Variants in ACSF2 observed in about 807,000 individuals in gnomAD.
ACSF2 encodes the protein acyl-CoA synthetase family member 2.
In ACSF2, 52 loss-of-function variants were observed where a neutral mutation model predicts 79.3. The ratio of observed to expected loss-of-function variants is 0.66; its 90% CI spans 0.53 to 0.83. The LOEUF (loss-of-function observed/expected upper bound fraction) is 0.83. Among genes scored for constraint, ACSF2 ranks in the 40% least tolerant of loss-of-function variants. ACSF2 has a pLI of 0.00. For synonymous variants in ACSF2, 283 were observed against 312.6 expected, an observed-to-expected ratio of 0.91 and a Z score of 1.00; for missense variants, 661 against 803.3, an observed-to-expected ratio of 0.82 and a Z score of 2.14.
intron 1 of ACSF2, among the ~76,000 whole-genome samples, chr17:50,454,821 G>A (rs896116424): frequency 6.6e-6 from 1 of 152,096 alleles, no homozygotes; most frequent in African/African-American, 2.4e-5. Context: ...AGACACAGGA[G>A]AAAACACATA....
rs772976326 is a variant in ACSF2 at position 50,445,267 on chromosome 17, AC to A, written c.129-15409del. ...AGCAGCATCTTGGACCAGTTGCTTA[AC>A]TTTTTCATCTCAGTGTTCTCCATCT... On this transcript the variant is annotated intron_variant, in intron 1 of 15. Transcript: ENST00000300441. 6.7e-4 allele frequency among the ~76,000 whole-genome samples: 102 copies of A among 152,262 alleles called. 1 individual carries two copies. Among genetic ancestry groups the A allele is most frequent in the Admixed American group, 3.0e-3 (46 of 15,290 alleles).
intron 1 of ACSF2, 138 bp downstream of exon 1, chr17:50,426,527 C>G (rs1336690526): frequency 8.9e-7 from 1 of 1,123,464 alleles, no homozygotes; most frequent in South Asian, 2.9e-5. Context: ...CCGCCCCCCG[C>G]CAGCACCTAG....
At chr17:50,469,843 G>A (rs1315391105) in intron 10 of ACSF2, 1 of 152,340 alleles carries the variant, frequency 6.6e-6, no homozygotes, top group Non-Finnish European at 1.5e-5. Context: ...GGCAGGTCGA[G>A]GGACCAGCCC....
intron 1 of ACSF2, chr17:50,460,220 G>T (rs934768655): frequency 5.0e-5 from 23 of 456,886 alleles, no homozygotes; most frequent in African/African-American, 4.6e-4. Context: ...GAGAAAAACT[G>T]GCCCACCAAG....
intron 1 of ACSF2, among the ~76,000 whole-genome samples, chr17:50,439,926 C>T (rs1184994878): frequency 1.3e-5 from 2 of 152,134 alleles, no homozygotes; most frequent in Admixed American, 6.5e-5. Context: ...GGTAATGTCT[C>T]CTGTGTCTGT....
At chr17:50,438,010 T>C (rs1212161642) in intron 1 of ACSF2, among the ~76,000 whole-genome samples, 1 of 152,190 alleles carries the variant, frequency 6.6e-6, no homozygotes, top group African/African-American at 2.4e-5. Context: ...ATTTAATATA[T>C]GTTGTGCTGA....
intron 9 of ACSF2, 61 bp from the exon 10 acceptor site, chr17:50,464,157 T>G (rs1340735347): frequency 6.5e-7 from 1 of 1,544,782 alleles, no homozygotes; most frequent in African/African-American, 1.4e-5. Flanking sequence ...GAGCTGTAGG[T>G]GAAAGGACTC....
At position 50,463,626 on chromosome 17, in the gene ACSF2, T is replaced by C; in HGVS notation, c.1046+74T>C. 6.4e-7 allele frequency: 1 copy of C among 1,574,084 alleles called. No homozygotes were observed. On this transcript the variant is annotated intron_variant, in intron 8 of 15. Coordinates refer to ENST00000300441, the MANE Select transcript of ACSF2 (RefSeq NM_025149.6). This position sits in a 1 kb window ranked among gnomAD's most constrained non-coding sequence, Gnocchi z 4.6. The stretch of plus-strand genomic sequence containing the variant: ...TCCTCACTCCTGGGCCCTGACACCT[T>C]TCCAAGCTGCCTCCTCCCTCCAGCC...
At chr17:50,433,579 G>C (rs1031657878) in intron 1 of ACSF2, among the ~76,000 whole-genome samples, 3 of 152,066 alleles carry the variant, frequency 2.0e-5, no homozygotes, top group African/African-American at 7.2e-5. Context: ...TCTTCTCCTG[G>C]GGTCTCTGTC....
intron 10 of ACSF2, chr17:50,464,939 C>T (rs2032599118): frequency 5.7e-6 from 2 of 351,746 alleles, no homozygotes; most frequent in South Asian, 4.9e-5. Context: ...GTGTAGGCAG[C>T]TCTGTGCATC....
intron 1 of ACSF2, among the ~76,000 whole-genome samples, chr17:50,443,383 T>G (rs1056049187): frequency 6.6e-6 from 1 of 152,172 alleles, no homozygotes; most frequent in Admixed American, 6.5e-5. Context: ...GGAATCCAGA[T>G]TTACAGGTTT....
chr17:50,426,484 G>T (rs962391819), intron 1 of ACSF2, 95 bp downstream of exon 1: 14 of 1,257,104 alleles, frequency 1.1e-5, no homozygotes, highest in South Asian at 3.0e-5. Flanking sequence ...ACCTCTGGAC[G>T]AGTGCACTGG....
At chr17:50,426,818 C>T (rs1915039906) in intron 1 of ACSF2, 2 of 1,369,370 alleles carry the variant, frequency 1.5e-6, no homozygotes, top group Non-Finnish European at 1.0e-6. Flanking sequence ...CTAAACTTAG[C>T]AGTCTCCTGT....
At chr17:50,465,417 G>T in intron 10 of ACSF2, 2 of 1,613,976 alleles carry the variant, frequency 1.2e-6, no homozygotes, top group South Asian at 1.1e-5. Flanking sequence ...GCATCTGGGC[G>T]GGAGGCCTTG....
chr17:50,464,903 G>A (rs972397436), intron 10 of ACSF2: 6 of 343,270 alleles, frequency 1.7e-5, no homozygotes, highest in Non-Finnish European at 1.1e-5. Flanking sequence ...TGGAGTGCCC[G>A]AGGCCCCCTG....
At position 50,463,738 on chromosome 17, in the gene ACSF2, G is replaced by T. The variant is rs2032495314; in HGVS notation, c.1047-80G>T. The stretch of plus-strand genomic sequence containing the variant: ...GCTTCTCCTGCCTATTCCCTTTGCT[G>T]CAGTTTCATGGCGGGGTGGGTGAGA... On this transcript the variant is annotated intron_variant, in intron 8 of 15. Transcript: ENST00000300441. This position sits in a 1 kb window ranked among gnomAD's most constrained non-coding sequence, Gnocchi z 4.6. 6.6e-7 allele frequency: 1 copy of T among 1,519,530 alleles called. No individual in the cohort carries two copies. Among genetic ancestry groups the T allele is most frequent in the Admixed American group, 1.7e-5 (1 of 58,940 alleles). The allele number at this position is 1,519,530 out of a possible 1,614,324, so 94.1% of individuals were successfully genotyped here.
intron 1 of ACSF2, among the ~76,000 whole-genome samples, chr17:50,449,798 G>C (rs2031554436): frequency 6.6e-6 from 1 of 152,156 alleles, no homozygotes; most frequent in Non-Finnish European, 1.5e-5. Flanking sequence ...GAAGTTTGCA[G>C]TTTAGTGGTA....
In ACSF2 at chr17:50,474,149, C is replaced by T. The variant is rs538268559; in HGVS notation, c.1729-50C>T. The stretch of plus-strand genomic sequence containing the variant: ...AGCCCCTGGTCCCCTACCCATACCC[C>T]TGTGAGCTTGCGCAGCCTCACGCCT... On this transcript the variant is annotated intron_variant, in intron 14 of 15. Transcript: ENST00000300441. This position sits in a 1 kb window ranked among gnomAD's most constrained non-coding sequence, Gnocchi z 4.2. 7.0e-5 allele frequency: 112 copies of T among 1,610,568 alleles called. No homozygotes were observed. In the South Asian group the frequency reaches 9.1e-4, roughly 13 times the overall value.
chr17:50,430,659 TG>T (rs1461997592), intron 1 of ACSF2, among the ~76,000 whole-genome samples: 3 of 152,204 alleles, frequency 2.0e-5, no homozygotes, highest in African/African-American at 7.2e-5. Flanking sequence ...AGCGAGACTC[TG>T]TCTCTAAATA....
Sources: gnomAD v4.1 joint callset for allele counts (sites outside exome capture counted in the v4.1 genomes callset) on GRCh38, gnomAD v4.1.1 for gene constraint, Gnocchi (gnomAD v3.1) non-coding constraint, MANE v1.5 for transcripts, NCBI Gene and HGNC (gene_info 2026-07-23, HGNC 2026-07-21) for gene names.